AP4S1: variants seen among roughly 807,000 people sequenced by gnomAD.
The protein encoded by AP4S1 is AP-4 complex subunit sigma-1.
In AP4S1, 23 loss-of-function variants were observed where a neutral mutation model predicts 19.8. The observed-to-expected ratio is 1.16, with a 90% CI of 0.84 to 1.65. The LOEUF is 1.65. Among genes scored for constraint, AP4S1 ranks in the 40% most tolerant of loss-of-function variants. AP4S1 has a pLI of 0.00. For missense variants in AP4S1, 166 were observed against 172.8 expected (o/e 0.96, Z 0.22); for synonymous variants, 46 against 54.1 (o/e 0.85, Z 0.66).
chr14:31,061,211 G>GT (rs1886419702), intron 1 of AP4S1, among the ~76,000 whole-genome samples: 1 of 151,834 alleles, frequency 6.6e-6, no homozygotes, highest in African/African-American at 2.4e-5. Context: ...AGAGAGTGGG[G>GT]TTTTACCATG....
At chr14:31,040,089 A>G (rs909369078) in intron 1 of AP4S1, among the ~76,000 whole-genome samples, 43 of 151,546 alleles carry the variant, frequency 2.8e-4, no homozygotes, top group African/African-American at 1.0e-3. Flanking sequence ...AAATTCACTT[A>G]TAGTCTACCA....
intron 1 of AP4S1, chr14:31,026,183 C>T: frequency 6.8e-7 from 1 of 1,465,924 alleles, no homozygotes; most frequent in Non-Finnish European, 8.9e-7. Flanking sequence ...CAAGCTCGTC[C>T]ATTGTGTGTG....
At chr14:31,090,129 C>T (rs1268618407) in intron 5 of AP4S1, among the ~76,000 whole-genome samples, 1 of 152,076 alleles carries the variant, frequency 6.6e-6, no homozygotes, top group Admixed American at 6.6e-5. Context: ...GCTGGGATTA[C>T]AGGCGTGTGC....
chr14:31,080,485 C>G, intron 4 of AP4S1, 88 bp from the exon 5 acceptor site: 1 of 1,128,770 alleles, frequency 8.9e-7, no homozygotes, highest in East Asian at 2.4e-5. Flanking sequence ...CTGCTATGGA[C>G]GCAGAAGCCT....
intron 4 of AP4S1, among the ~76,000 whole-genome samples, chr14:31,074,903 A>T (rs1199041984): frequency 6.6e-6 from 1 of 151,814 alleles, no homozygotes; most frequent in East Asian, 1.9e-4. Context: ...TTTTATATTG[A>T]TACATAAGAG....
chr14:31,083,531 G>GTCTTGC (rs1887772183), intron 5 of AP4S1: 1 of 321,790 alleles, frequency 3.1e-6, no homozygotes, highest in Non-Finnish European at 5.7e-6. Flanking sequence ...TTGAGACAAG[G>GTCTTGC]TCTTGCTCTG....
In AP4S1 at chr14:31,094,634, A is replaced by G. The variant is rs1399115364; in HGVS notation, c.*1599A>G. On this transcript the variant is annotated 3_prime_UTR_variant, in exon 6 of 6. Transcript: ENST00000542754. Reference sequence around the variant, plus strand: ...CCGAGTGCGGTGGCTCAGGCCTGTAATCCCAACATTTTGGGGGGCCAAGCC... The same window carrying G: ...CCGAGTGCGGTGGCTCAGGCCTGTAGTCCCAACATTTTGGGGGGCCAAGCC... 2 of 151,490 alleles carry G rather than the reference A, an allele frequency of 1.3e-5. No individual in the cohort carries two copies. The highest frequency in any genetic ancestry group is 2.9e-5 in the Non-Finnish European group (2 of 68,190). The allele number at this position is 151,490 out of a possible 1,614,324, so 9.4% of individuals were successfully genotyped here.
chr14:31,033,444 C>A (rs535890049), intron 1 of AP4S1, among the ~76,000 whole-genome samples: 1 of 152,238 alleles, frequency 6.6e-6, no homozygotes, highest in South Asian at 2.1e-4. Flanking sequence ...GAACTCCTGA[C>A]CTTGTGATCC....
chr14:31,084,867 C>G, intron 5 of AP4S1: 1 of 1,614,228 alleles, frequency 6.2e-7, no homozygotes, highest in African/African-American at 1.3e-5. Context: ...CTGCCTCCAC[C>G]ACCCCCATCT....
intron 1 of AP4S1, among the ~76,000 whole-genome samples, chr14:31,055,896 T>G (rs1886085729): frequency 6.6e-6 from 1 of 151,940 alleles, no homozygotes; most frequent in South Asian, 2.1e-4. Context: ...CAGGCTGGAG[T>G]GCAGTGGCAT....
intron 5 of AP4S1, chr14:31,085,962 C>T (rs1887903959): frequency 2.5e-6 from 1 of 392,354 alleles, no homozygotes; most frequent in Non-Finnish European, 3.5e-6. Context: ...TGTGCACTCT[C>T]TGTGACTCCG....
At chr14:31,053,014 C>G (rs1198714492) in intron 1 of AP4S1, among the ~76,000 whole-genome samples, 1 of 142,204 alleles carries the variant, frequency 7.0e-6, no homozygotes, top group East Asian at 2.1e-4. Flanking sequence ...GGTCTCAGCT[C>G]ACTGCAACCT....
intron 5 of AP4S1, chr14:31,083,436 G>A: frequency 2.2e-6 from 1 of 449,544 alleles, no homozygotes; most frequent in Non-Finnish European, 4.4e-6. Context: ...TACTTCCAGT[G>A]GTCTAAAAGT....
Position 31,026,300 on chromosome 14 carries a change from G to T in AP4S1, c.-72+513G>T, listed in dbSNP as rs1267038634. On this transcript the variant is annotated intron_variant, in intron 1 of 5. Transcript: ENST00000542754. ...GGAGGCCGGCCGGGAGAGGGGCGGG[G>T]AAGGGGTCGTTGCTGTGTGCCTGCC... 3 of 1,171,894 alleles carry T rather than the reference G, an allele frequency of 2.6e-6. 1 individual carries two copies. 72.6% of individuals were successfully genotyped at this position (1,171,894 alleles called of 1,614,324 possible). A position where few individuals can be genotyped will look rare whatever the true frequency, so the allele number is the denominator to read the frequency against.
chr14:31,050,399 AC>A (rs1012315577), intron 1 of AP4S1, among the ~76,000 whole-genome samples: 4 of 152,066 alleles, frequency 2.6e-5, no homozygotes, highest in Admixed American at 6.6e-5. Flanking sequence ...CTTCAGTGTT[AC>A]CCCATCTTCA....
At chr14:31,034,907 A>G (rs1884636553) in intron 1 of AP4S1, among the ~76,000 whole-genome samples, 3 of 151,946 alleles carry the variant, frequency 2.0e-5, no homozygotes, top group South Asian at 2.1e-4. Flanking sequence ...GATTACAGGC[A>G]TGAGCCACCG....
chr14:31,064,358 C>T (rs942539038), intron 1 of AP4S1, among the ~76,000 whole-genome samples: 6 of 152,114 alleles, frequency 3.9e-5, no homozygotes, highest in Non-Finnish European at 8.8e-5. Flanking sequence ...AAGAGATTCT[C>T]CTCCCTTAGC....
intron 1 of AP4S1, among the ~76,000 whole-genome samples, chr14:31,036,107 C>A (rs1884756371): frequency 6.6e-6 from 1 of 151,484 alleles, no homozygotes. Context: ...TATATTATTT[C>A]CTCCTCCATA....
chr14:31,062,005 A>T (rs1372294881), intron 1 of AP4S1, among the ~76,000 whole-genome samples: 3 of 152,072 alleles, frequency 2.0e-5, no homozygotes, highest in African/African-American at 7.2e-5. Context: ...ATTCTACATC[A>T]TTTCTCATTT....
Sources: gnomAD v4.1 joint callset for allele counts (sites outside exome capture counted in the v4.1 genomes callset) on GRCh38, gnomAD v4.1.1 for gene constraint, MANE v1.5 for transcripts, NCBI Gene and HGNC (gene_info 2026-07-23, HGNC 2026-07-21) for gene names.